The following RASA3 variants were observed in gnomAD, a reference collection of about 807,000 sequenced individuals.
The protein encoded by RASA3 is RAS p21 protein activator 3, also known as ras GTPase-activating protein 3.
Under a neutral mutation model 110.0 loss-of-function variants are expected in RASA3, and 73 were observed. That is an observed-to-expected ratio of 0.66 (90% CI 0.55 to 0.81). The LOEUF (loss-of-function observed/expected upper bound fraction) is 0.81, where lower values mean the gene tolerates loss of function less well. RASA3 is among the 30% of genes least tolerant of loss of function. The probability of loss-of-function intolerance (pLI) is 0.00; values close to 1 mark genes in which losing one functional copy is unlikely to be tolerated. For synonymous variants in RASA3, 500 were observed against 451.4 expected, an observed-to-expected ratio of 1.11 and a Z score of -1.37; for missense variants, 976 against 1,113.2, an observed-to-expected ratio of 0.88 and a Z score of 1.75.
intron 1 of RASA3, among the ~76,000 whole-genome samples, chr13:114,117,954 G>A (rs1182624257): frequency 1.3e-5 from 2 of 151,976 alleles, no homozygotes; most frequent in Admixed American, 6.5e-5. Context: ...GCACGTGTGA[G>A]GGGTGCATGC....
intron 18 of RASA3, among the ~76,000 whole-genome samples, chr13:114,002,770 T>C (rs1392501145): frequency 6.6e-6 from 1 of 152,080 alleles, no homozygotes; most frequent in African/African-American, 2.4e-5. Context: ...GGCGCCTGGC[T>C]CTCCAGGAGT....
chr13:114,099,385 G>A (rs1320668637), intron 1 of RASA3, among the ~76,000 whole-genome samples: 1 of 151,936 alleles, frequency 6.6e-6, no homozygotes, highest in Non-Finnish European at 1.5e-5. Context: ...TACAGAAATA[G>A]CGTGTCTTGT....
chr13:114,038,570 AC>A (rs929285588), intron 4 of RASA3, among the ~76,000 whole-genome samples: 12 of 152,052 alleles, frequency 7.9e-5, no homozygotes, highest in African/African-American at 2.9e-4. Flanking sequence ...GCCTCACCCC[AC>A]CCCCACAGCT....
chr13:114,019,494 T>C (rs909481210), intron 9 of RASA3, among the ~76,000 whole-genome samples: 6 of 152,170 alleles, frequency 3.9e-5, no homozygotes, highest in African/African-American at 1.4e-4. Flanking sequence ...GGAGCCTGTG[T>C]CCGAGGCCCC....
chr13:114,036,061 C>T (rs1191197278), intron 4 of RASA3: 1 of 152,266 alleles, frequency 6.6e-6, no homozygotes, highest in Non-Finnish European at 1.5e-5. Flanking sequence ...GAATACGTCA[C>T]AGATGCACTT....
chr13:114,109,527 G>A (rs907772824), intron 1 of RASA3, among the ~76,000 whole-genome samples: 7 of 152,204 alleles, frequency 4.6e-5, no homozygotes, highest in South Asian at 2.1e-4. Flanking sequence ...GGTGGGCTGC[G>A]GACGTTGACA....
chr13:114,017,735 G>A (rs1261778797), intron 11 of RASA3, among the ~76,000 whole-genome samples: 3 of 152,190 alleles, frequency 2.0e-5, no homozygotes, highest in Non-Finnish European at 4.4e-5. Flanking sequence ...GGCTGCAGGT[G>A]CAGCCAGATG....
chr13:114,007,405 C>G lies in RASA3; in HGVS notation c.1742+128G>C. The G allele has an allele frequency of 1.0e-5, 2 of 194,986 alleles. 1 individual carries two copies. Among genetic ancestry groups the G allele is most frequent in the Non-Finnish European group, 1.7e-5 (2 of 117,626 alleles). 12.1% of individuals were successfully genotyped at this position (194,986 alleles called of 1,614,324 possible). On this transcript the variant is annotated intron_variant, in intron 18 of 23. Transcript: ENST00000334062. Reference sequence around the variant, plus strand: ...CCTTCTCCCCTCCTGCCCTGCTGGACGCCACCTTACCCTTCTCCCCTCCTG... The same window carrying G: ...CCTTCTCCCCTCCTGCCCTGCTGGAGGCCACCTTACCCTTCTCCCCTCCTG...
At chr13:114,076,076 C>A (rs2079677096) in intron 1 of RASA3, among the ~76,000 whole-genome samples, 1 of 152,134 alleles carries the variant, frequency 6.6e-6, no homozygotes, top group African/African-American at 2.4e-5. Flanking sequence ...GAGCAGCTCT[C>A]AGGGTCTCAC....
In RASA3 at chr13:114,014,650, T is replaced by C. The variant is rs914833388; in HGVS notation, c.1405+559A>G. Among the ~76,000 whole-genome samples the C allele has an allele frequency of 3.3e-5, 5 of 151,934 alleles. No individual in the cohort carries two copies. The highest frequency in any genetic ancestry group is 1.2e-4 in the African/African-American group (5 of 41,360). Reference sequence around the variant, plus strand: ...CCTGAGGGTCGGCAAGGTTGAGAAGTGGGGTTTGGGTGCTGGATGCCCAGG... The same window carrying C: ...CCTGAGGGTCGGCAAGGTTGAGAAGCGGGGTTTGGGTGCTGGATGCCCAGG... On this transcript the variant is annotated intron_variant, in intron 14 of 23. Coordinates refer to ENST00000334062, the MANE Select transcript of RASA3 (RefSeq NM_007368.4). The surrounding 1 kb of genome is among the most constrained non-coding windows in gnomAD (Gnocchi z 4.5).
intron 13 of RASA3, 30 bp from the exon 14 acceptor site, chr13:114,015,362 T>G (rs762050230): frequency 1.5e-5 from 24 of 1,609,636 alleles, no homozygotes; most frequent in Non-Finnish European, 2.0e-5. Context: ...TGGGACCCAC[T>G]CCCGAGGCTG....
At chr13:114,041,347 T>C (rs2054402514) in intron 3 of RASA3, among the ~76,000 whole-genome samples, 1 of 152,372 alleles carries the variant, frequency 6.6e-6, no homozygotes, top group African/African-American at 2.4e-5. Context: ...GAGCCGGGCA[T>C]GGTGGCACTG....
intron 1 of RASA3, among the ~76,000 whole-genome samples, chr13:114,095,216 C>A (rs1214443773): frequency 6.6e-6 from 1 of 152,134 alleles, no homozygotes; most frequent in Non-Finnish European, 1.5e-5. Flanking sequence ...TAATTTGGGG[C>A]TTTTCAGTAA....
intron 2 of RASA3, among the ~76,000 whole-genome samples, chr13:114,061,619 G>A (rs2079350502): frequency 6.6e-6 from 1 of 150,556 alleles, no homozygotes; most frequent in South Asian, 2.1e-4. Context: ...GGAGGTTGCA[G>A]TGAACCGAGA....
At chr13:114,054,331 T>C (rs1039073690) in intron 2 of RASA3, among the ~76,000 whole-genome samples, 1 of 152,196 alleles carries the variant, frequency 6.6e-6, no homozygotes, top group Admixed American at 6.5e-5. Flanking sequence ...CAACAATGTA[T>C]TAAAAATGCT....
Position 114,009,427 on chromosome 13 carries a change from T to C in RASA3, c.1628A>G (p.Glu543Gly). The C allele has an allele frequency of 1.2e-6, 2 of 1,612,526 alleles. No individual in the cohort carries two copies. The highest frequency in any genetic ancestry group is 1.7e-6 in the Non-Finnish European group (2 of 1,179,626). Reference sequence around the variant, plus strand: ...AGCATATTTCTGCTCATTGAAGAATTCATAAAATGTAGCCATGTAGGACTC... The same window carrying C: ...AGCATATTTCTGCTCATTGAAGAATCCATAAAATGTAGCCATGTAGGACTC... ...FKESYMATFY[E>G]FFNEQKYADA... Residue 543 changes from glutamate to glycine, a missense_variant, in exon 17 of 24, where the codon GAA becomes GGA. Transcript: ENST00000334062.
At chr13:114,131,599 C>G (rs1245003882) in intron 1 of RASA3, among the ~76,000 whole-genome samples, 2 of 152,192 alleles carry the variant, frequency 1.3e-5, no homozygotes, top group Non-Finnish European at 2.9e-5. Context: ...CTCGCAGGCC[C>G]TGGTCGCCAC....
At chr13:113,980,690 G>A (rs1270149161) in intron 23 of RASA3, among the ~76,000 whole-genome samples, 1 of 152,262 alleles carries the variant, frequency 6.6e-6, no homozygotes. Context: ...GATGATGTCA[G>A]AGGTGAAGTC....
At chr13:114,108,256 T>C (rs12018654) in intron 1 of RASA3, among the ~76,000 whole-genome samples, 22 of 49,892 alleles carry the variant, frequency 4.4e-4, no homozygotes, top group African/African-American at 1.5e-3. Flanking sequence ...TCTGTCACCC[T>C]GCATCCGTCA....
Sources: allele counts gnomAD v4.1 joint callset (sites outside exome capture counted in the v4.1 genomes callset), GRCh38; gene constraint gnomAD v4.1.1; non-coding constraint Gnocchi (gnomAD v3.1); transcripts MANE v1.5; gene names NCBI Gene and HGNC (gene_info 2026-07-23, HGNC 2026-07-21).